CCDC197: variants seen among roughly 807,000 people sequenced by gnomAD.
The protein encoded by CCDC197 is uncharacterized protein CCDC197.
In CCDC197, 24 loss-of-function variants were observed where a neutral mutation model predicts 13.4. That is an observed-to-expected ratio of 1.80 (90% confidence interval 1.30 to 2.53). The LOEUF (loss-of-function observed/expected upper bound fraction) is 2.53. Among genes scored for constraint, CCDC197 ranks in the 30% most tolerant of loss-of-function variants. The probability of loss-of-function intolerance (pLI) is 0.00; values close to 1 mark genes in which losing one functional copy is unlikely to be tolerated. For missense variants in CCDC197, 255 were observed against 148.8 expected (o/e 1.71, Z -3.71); for synonymous variants, 99 against 55.5 (o/e 1.78, Z -3.48).
At position 94,001,186 on chromosome 14, in the gene CCDC197, G is replaced by A. The variant is rs749992616; in HGVS notation, c.229G>A (p.Ala77Thr). 19 of 780,544 alleles carry A rather than the reference G, an allele frequency of 2.4e-5. No individual in the cohort carries two copies. The highest frequency in any genetic ancestry group is 4.8e-6 in the Non-Finnish European group (2 of 417,954). 48.4% of individuals were successfully genotyped at this position (780,544 alleles called of 1,614,324 possible). ...GGAGCCGGAGGAGGTGCTGGTGGAG[G>A]CCACGGTGAAGCACTACGGGAAGCT... is the stretch of plus-strand genomic sequence containing the variant. The part of the protein sequence containing the change: ...WEEPEEVLVE[A>T]TVKHYGKLFT... Residue 77 changes from alanine to threonine, a missense_variant, in exon 4 of 7, where the codon GCC becomes ACC. Coordinates refer to ENST00000636493, the MANE Select transcript of CCDC197 (RefSeq NM_001351596.2).
intron 4 of CCDC197, among the ~76,000 whole-genome samples, chr14:94,002,220 G>T (rs180809753): frequency 1.3e-5 from 2 of 152,190 alleles, no homozygotes; most frequent in East Asian, 3.9e-4. Flanking sequence ...TCCTGCGTCT[G>T]TCTTTCTCTC....
intron 1 of CCDC197, among the ~76,000 whole-genome samples, chr14:93,990,850 G>A (rs1203860186): frequency 6.6e-6 from 1 of 152,190 alleles, no homozygotes; most frequent in Non-Finnish European, 1.5e-5. Flanking sequence ...CTTTCTTTGG[G>A]CTAGATGCTG....
At chr14:94,002,010 G>A (rs765005564) in intron 4 of CCDC197, among the ~76,000 whole-genome samples, 2 of 152,202 alleles carry the variant, frequency 1.3e-5, no homozygotes, top group Non-Finnish European at 2.9e-5. Context: ...TTTCTTTGGA[G>A]AATGGAATTC....
chr14:94,001,376 C>T (rs1221212865), intron 4 of CCDC197, 53 bp downstream of exon 4: 5 of 677,966 alleles, frequency 7.4e-6, no homozygotes, highest in Admixed American at 2.2e-5. Context: ...GAGCTGGGGG[C>T]GTGGGGCCCC....
At chr14:93,999,710 C>T (rs1401364142) in intron 3 of CCDC197, 45 bp downstream of exon 3, 4 of 779,248 alleles carry the variant, frequency 5.1e-6, no homozygotes, top group South Asian at 1.3e-5. Context: ...TCCACAGCCA[C>T]CTACTGGCTG....
At chr14:93,992,253 C>T (rs1423688671) in intron 1 of CCDC197, among the ~76,000 whole-genome samples, 1 of 152,130 alleles carries the variant, frequency 6.6e-6, no homozygotes, top group Non-Finnish European at 1.5e-5. Flanking sequence ...GAAGGAACAG[C>T]AGGGAAGGCC....
chr14:94,003,495 A>G lies in CCDC197; in HGVS notation c.498+141A>G. ...GAGCCAGACACATAGACACACAGGC[A>G]CACACACAGCCAGACACACACACCC... On this transcript the variant is annotated intron_variant, in intron 5 of 6. Transcript: ENST00000636493. This position sits in a 1 kb window ranked among gnomAD's most constrained non-coding sequence, Gnocchi z 5.0. 1 of 621,244 alleles carries G rather than the reference A, an allele frequency of 1.6e-6. No individual in the cohort carries two copies. The highest frequency in any genetic ancestry group is 1.8e-5 in the South Asian group (1 of 54,308). The allele number at this position is 621,244 out of a possible 1,614,324, so 38.5% of individuals were successfully genotyped here. A position where few individuals can be genotyped will look rare whatever the true frequency, so the allele number is the denominator to read the frequency against.
intron 1 of CCDC197, among the ~76,000 whole-genome samples, chr14:93,991,434 T>C (rs1450113250): frequency 6.6e-6 from 1 of 152,102 alleles, no homozygotes; most frequent in Non-Finnish European, 1.5e-5. Flanking sequence ...CTCAAAGAGA[T>C]TGAGTGATTC....
exon 1 of CCDC197, chr14:93,987,389 C>G (rs989104849): frequency 6.6e-6 from 1 of 152,384 alleles, no homozygotes; most frequent in Non-Finnish European, 1.5e-5. Flanking sequence ...TGGAGAGAAT[C>G]AAAGCAGGTG....
At chr14:94,008,910 T>G, downstream of CCDC197, 1 of 621,498 alleles carries the variant, frequency 1.6e-6, no homozygotes, top group Admixed American at 2.4e-5. Flanking sequence ...TGGGAGAGAG[T>G]CTGGGGGCAT....
intron 1 of CCDC197, among the ~76,000 whole-genome samples, chr14:93,990,431 T>C (rs1456086730): frequency 1.3e-5 from 2 of 152,078 alleles, no homozygotes; most frequent in Non-Finnish European, 2.9e-5. Context: ...CCATAAAAAA[T>C]GATAAGAAAG....
Position 94,001,341 on chromosome 14 carries a change from T to A in CCDC197, c.366+18T>A, listed in dbSNP as rs765966237. 1 of 738,102 alleles carries A rather than the reference T, an allele frequency of 1.4e-6. No homozygotes were observed. The highest frequency in any genetic ancestry group is 1.4e-5 in the South Asian group (1 of 69,288). The allele number at this position is 738,102 out of a possible 1,614,324, so 45.7% of individuals were successfully genotyped here. A position where few individuals can be genotyped will look rare whatever the true frequency, so the allele number is the denominator to read the frequency against. ...TCATGTTGGTAACAGCTGCTTGAAG[T>A]CTGCTCCATTCCCCGTGGCCCAGGG... On this transcript the variant is annotated intron_variant, in intron 4 of 6. Coordinates refer to ENST00000636493, the MANE Select transcript of CCDC197 (RefSeq NM_001351596.2).
upstream of CCDC197, among the ~76,000 whole-genome samples, chr14:93,992,705 C>T (rs1890233834): frequency 6.6e-6 from 1 of 152,254 alleles, no homozygotes; most frequent in Non-Finnish European, 1.5e-5. Context: ...AGCCTCCATC[C>T]TCCACCACGG....
In CCDC197 at chr14:94,003,302, T is replaced by C. The variant is rs764423332; in HGVS notation, c.446T>C (p.Ile149Thr). The change falls in exon 5 of 7, where the codon ATC becomes ACC. Residue 149 changes from isoleucine (I) to threonine (T), a missense_variant. By Grantham distance (89) the Ile-to-Thr change is moderately conservative. Transcript: ENST00000636493. This position sits in a 1 kb window ranked among gnomAD's most constrained non-coding sequence, Gnocchi z 5.0. ...CAGTGGTGGCAGCTGAAGCACAGCA[T>C]CACTTACCAGAAGGACATTGACTTT... ...QEQWWQLKHS[I>T]TYQKDIDFDT... The C allele has an allele frequency of 7.0e-6, 5 of 717,470 alleles. No individual in the cohort carries two copies. Among genetic ancestry groups the C allele is most frequent in the Non-Finnish European group, 1.3e-5 (5 of 378,448 alleles). The allele number at this position is 717,470 out of a possible 1,614,324, so 44.4% of individuals were successfully genotyped here. A position where few individuals can be genotyped will look rare whatever the true frequency, so the allele number is the denominator to read the frequency against.
chr14:93,998,085 G>T lies in CCDC197; in HGVS notation c.-47G>T. 1 of 779,154 alleles carries T rather than the reference G, an allele frequency of 1.3e-6. No individual in the cohort carries two copies. Among genetic ancestry groups the T allele is most frequent in the South Asian group, 1.3e-5 (1 of 74,460 alleles). 48.3% of individuals were successfully genotyped at this position (779,154 alleles called of 1,614,324 possible). A position where few individuals can be genotyped will look rare whatever the true frequency, so the allele number is the denominator to read the frequency against. On this transcript the variant is annotated 5_prime_UTR_variant, in exon 2 of 7. Coordinates refer to ENST00000636493, the MANE Select transcript of CCDC197 (RefSeq NM_001351596.2). Reference sequence around the variant, plus strand: ...TTTTCGGTCTGTCTTCATCCTGCCTGACTCACGGGTCTCCTGTCCTCCTGC... The same window carrying T: ...TTTTCGGTCTGTCTTCATCCTGCCTTACTCACGGGTCTCCTGTCCTCCTGC...
intron 4 of CCDC197, chr14:94,001,786 T>A (rs1374600678): frequency 6.5e-6 from 1 of 153,296 alleles, no homozygotes; most frequent in Non-Finnish European, 1.5e-5. Flanking sequence ...AAATAGGACT[T>A]CCGCTGGGAG....
intron 4 of CCDC197, chr14:94,001,539 G>A (rs1890509620): frequency 4.2e-6 from 2 of 477,084 alleles, no homozygotes; most frequent in Non-Finnish European, 3.7e-6. Flanking sequence ...GTTGTTCTGC[G>A]TGGTAGAAAA....
At chr14:93,988,904 G>T (rs974176072) in intron 1 of CCDC197, among the ~76,000 whole-genome samples, 22 of 148,426 alleles carry the variant, frequency 1.5e-4, no homozygotes, top group Non-Finnish European at 2.7e-4. Flanking sequence ...GACGGGATGG[G>T]AGCAGGGATT....
chr14:93,987,556 C>T (rs187331395), intron 1 of CCDC197, among the ~76,000 whole-genome samples: 14 of 152,310 alleles, frequency 9.2e-5, no homozygotes, highest in Admixed American at 1.3e-4. Context: ...TTGGAATGCC[C>T]TCTCCCTTGG....
Sources: allele counts gnomAD v4.1 joint callset (sites outside exome capture counted in the v4.1 genomes callset), GRCh38; gene constraint gnomAD v4.1.1; non-coding constraint Gnocchi (gnomAD v3.1); transcripts MANE v1.5; gene names NCBI Gene and HGNC (gene_info 2026-07-23, HGNC 2026-07-21).